The following CDK19 variants were observed in gnomAD, a reference collection of about 807,000 sequenced individuals.
CDK19 encodes cyclin-dependent kinase 19.
In CDK19, 20 loss-of-function variants were observed where a neutral mutation model predicts 68.3. The ratio of observed to expected loss-of-function variants is 0.29; its 90% CI spans 0.21 to 0.43. The LOEUF (loss-of-function observed/expected upper bound fraction) is 0.43, where lower values mean the gene tolerates loss of function less well. Among genes scored for constraint, CDK19 ranks in the 20% least tolerant of loss-of-function variants. CDK19 has a pLI of 1.00. For synonymous variants in CDK19, 221 were observed against 222.8 expected, an observed-to-expected ratio of 0.99 and a Z score of 0.07; for missense variants, 339 against 623.5, an observed-to-expected ratio of 0.54 and a Z score of 4.86.
chr6:110,617,251 A>C (rs1778373798), intron 12 of CDK19, among the ~76,000 whole-genome samples: 1 of 152,236 alleles, frequency 6.6e-6, no homozygotes, highest in Middle Eastern at 3.4e-3. Flanking sequence ...CTGTGTAAAA[A>C]CTGGACATAA....
At chr6:110,806,074 T>G (rs188519833) in intron 1 of CDK19, among the ~76,000 whole-genome samples, 1 of 152,136 alleles carries the variant, frequency 6.6e-6, no homozygotes, top group Non-Finnish European at 1.5e-5. Flanking sequence ...GTGCAGTGGC[T>G]GACGCTTGTA....
At chr6:110,750,989 C>T (rs1315026104) in intron 1 of CDK19, among the ~76,000 whole-genome samples, 3 of 152,180 alleles carry the variant, frequency 2.0e-5, no homozygotes, top group African/African-American at 7.2e-5. Context: ...GCGCATGCCA[C>T]CACGCCCAGC....
Position 110,739,141 on chromosome 6 carries a change from C to T in CDK19, c.204+6985G>A, listed in dbSNP as rs149199047. ...CTCCTCAATAAACTGAATGTTTATGCCCCTTGCCCTCCCAAATTCGTATGT... is the reference window on the plus strand; with the variant it reads ...CTCCTCAATAAACTGAATGTTTATGTCCCTTGCCCTCCCAAATTCGTATGT... On this transcript the variant is annotated intron_variant, in intron 2 of 12. Coordinates refer to ENST00000368911, the MANE Select transcript of CDK19 (RefSeq NM_015076.5). Among the ~76,000 whole-genome samples the T allele has an allele frequency of 1.6e-3, 246 of 152,316 alleles. 1 individual carries two copies. The highest frequency in any genetic ancestry group is 5.7e-3 in the African/African-American group (239 of 41,566).
intron 4 of CDK19, chr6:110,645,892 A>T (rs1007370875): frequency 1.3e-6 from 1 of 776,836 alleles, no homozygotes; most frequent in Non-Finnish European, 2.2e-6. Context: ...AACAGCGGCG[A>T]CTCAGTCCTG....
chr6:110,645,261 C>G (rs1452334526), intron 4 of CDK19, among the ~76,000 whole-genome samples: 1 of 152,070 alleles, frequency 6.6e-6, no homozygotes, highest in Non-Finnish European at 1.5e-5. Flanking sequence ...GTTCTCTAAC[C>G]ACAATACAAT....
chr6:110,654,297 A>T (rs1447136694), intron 4 of CDK19, among the ~76,000 whole-genome samples: 1 of 152,222 alleles, frequency 6.6e-6, no homozygotes, highest in East Asian at 1.9e-4. Context: ...GAACTACCTA[A>T]GAGTAAAATC....
chr6:110,667,351 A>T (rs1025138588), intron 4 of CDK19, 83 bp downstream of exon 4: 191 of 916,446 alleles, frequency 2.1e-4, no homozygotes, highest in Non-Finnish European at 3.0e-4. Context: ...TTAATGTTTT[A>T]TTATAATGGT....
chr6:110,661,982 G>T (rs567003915), intron 4 of CDK19, among the ~76,000 whole-genome samples: 173 of 87,490 alleles, frequency 2.0e-3, no homozygotes, highest in African/African-American at 9.7e-3. Context: ...TTATTTTTTG[G>T]GGGGGGAGAC....
intron 12 of CDK19, among the ~76,000 whole-genome samples, chr6:110,620,389 AAAAC>A (rs971085123): frequency 4.6e-5 from 7 of 152,116 alleles, no homozygotes; most frequent in East Asian, 1.9e-4. Flanking sequence ...AACAAACAAA[AAAAC>A]AAACAAACAA....
rs184763057 is a variant in CDK19 at position 110,765,844 on chromosome 6, C to T, written c.129-19643G>A. Among the ~76,000 whole-genome samples the T allele has an allele frequency of 1.5e-3, 222 of 152,052 alleles. 1 individual carries two copies. Among genetic ancestry groups the T allele is most frequent in the African/African-American group, 5.1e-3 (211 of 41,480 alleles). ...GATATACAAATGACGAACAGGTATA[C>T]GAAAAATGTTCAACATCACTCATTA... On this transcript the variant is annotated intron_variant, in intron 1 of 12. Transcript: ENST00000368911.
intron 1 of CDK19, among the ~76,000 whole-genome samples, chr6:110,787,777 T>C (rs965715524): frequency 1.3e-5 from 2 of 152,172 alleles, no homozygotes; most frequent in Non-Finnish European, 2.9e-5. Context: ...GATTTCCTTA[T>C]TGGCATCTGG....
At position 110,756,257 on chromosome 6, in the gene CDK19, G is replaced by C. The variant is rs566271308; in HGVS notation, c.129-10056C>G. Among the ~76,000 whole-genome samples the C allele has an allele frequency of 1.7e-3, 266 of 152,224 alleles. 5 individuals are homozygous for C. The highest frequency in any genetic ancestry group is 0.016 in the South Asian group (78 of 4,828). On this transcript the variant is annotated intron_variant, in intron 1 of 12. Coordinates refer to ENST00000368911, the MANE Select transcript of CDK19 (RefSeq NM_015076.5). ...ATACAAAAATTAGCTGGGCATGGTG[G>C]TGCGTGTCTGTAGTCTCAGCTACTC...
intron 2 of CDK19, among the ~76,000 whole-genome samples, chr6:110,739,395 G>A (rs181871573): frequency 4.1e-4 from 62 of 152,236 alleles, no homozygotes; most frequent in African/African-American, 1.4e-3. Context: ...GACACTGAAT[G>A]GGCCTTGATC....
At chr6:110,802,562 C>T (rs1464619331) in intron 1 of CDK19, among the ~76,000 whole-genome samples, 1 of 152,132 alleles carries the variant, frequency 6.6e-6, no homozygotes, top group African/African-American at 2.4e-5. Context: ...TGAAAAGCTG[C>T]CTACTGGGTA....
At chr6:110,684,557 T>C (rs984214372) in intron 2 of CDK19, among the ~76,000 whole-genome samples, 3 of 152,166 alleles carry the variant, frequency 2.0e-5, no homozygotes, top group Non-Finnish European at 4.4e-5. Flanking sequence ...TCCCTAGTTT[T>C]CTTGTCCTTC....
intron 1 of CDK19, among the ~76,000 whole-genome samples, chr6:110,806,396 A>AC (rs143346830): frequency 0.02 from 3,104 of 151,552 alleles, 91 homozygotes; most frequent in African/African-American, 0.072. Flanking sequence ...TTCTTAGCCA[A>AC]CCCCCCCATC....
At chr6:110,746,537 T>C (rs1476427652) in intron 1 of CDK19, among the ~76,000 whole-genome samples, 2 of 152,170 alleles carry the variant, frequency 1.3e-5, no homozygotes. Flanking sequence ...CTGTCTTAAT[T>C]ACCTGGAGTC....
chr6:110,707,514 T>C (rs1774613606), intron 2 of CDK19, among the ~76,000 whole-genome samples: 1 of 152,106 alleles, frequency 6.6e-6, no homozygotes, highest in Non-Finnish European at 1.5e-5. Context: ...AAACATACAA[T>C]ATTTTCACTA....
chr6:110,683,973 T>A (rs1419028089), intron 2 of CDK19, among the ~76,000 whole-genome samples: 2 of 151,776 alleles, frequency 1.3e-5, no homozygotes, highest in African/African-American at 4.8e-5. Context: ...CCTCCCAAAG[T>A]GCCGAGAATA....
Sources: allele counts gnomAD v4.1 joint callset (sites outside exome capture counted in the v4.1 genomes callset), GRCh38; gene constraint gnomAD v4.1.1; transcripts MANE v1.5; gene names NCBI Gene and HGNC (gene_info 2026-07-23, HGNC 2026-07-21).